The following TEX10 variants were observed in gnomAD, a reference collection of about 807,000 sequenced individuals.
TEX10 encodes testis expressed 10.
Under a neutral mutation model 104.4 loss-of-function variants are expected in TEX10, and 24 were observed. That is an observed-to-expected ratio of 0.23 (90% CI 0.17 to 0.32). The LOEUF is 0.32. Ranked by LOEUF, TEX10 falls within the 10% of genes least tolerant of loss-of-function variation. The pLI is 1.00. For missense variants in TEX10, 921 were observed against 1,083.9 expected (o/e 0.85, Z 2.11); for synonymous variants, 396 against 393.4 (o/e 1.01, Z -0.08).
At position 100,326,296 on chromosome 9, in the gene TEX10, T is replaced by A. The variant is rs745847157; in HGVS notation, c.1979+6A>T. 1.2e-5 allele frequency: 20 copies of A among 1,612,392 alleles called. 1 individual carries two copies. Among genetic ancestry groups the A allele is most frequent in the East Asian group, 1.1e-4 (5 of 44,848 alleles). On this transcript the variant is annotated splice_donor_region_variant and intron_variant, in intron 9 of 14. Transcript: ENST00000374902. The stretch of plus-strand genomic sequence containing the variant: ...ACTTAAAATACAGCTCACTTGAGCA[T>A]GCTACCTCATGTGCAGTATCCCGAT...
chr9:100,302,665 G>A (rs1834021854), intron 14 of TEX10, among the ~76,000 whole-genome samples: 1 of 152,044 alleles, frequency 6.6e-6, no homozygotes, highest in Admixed American at 6.6e-5. Flanking sequence ...ACTCTACAGG[G>A]CCAACCAACA....
At chr9:100,343,761 T>C (rs1835231928) in intron 4 of TEX10, among the ~76,000 whole-genome samples, 1 of 152,182 alleles carries the variant, frequency 6.6e-6, no homozygotes, top group South Asian at 2.1e-4. Context: ...TAGAAAAATC[T>C]ATACAGTTTC....
intron 4 of TEX10, among the ~76,000 whole-genome samples, chr9:100,343,377 G>A (rs558382766): frequency 6.7e-6 from 1 of 148,344 alleles, no homozygotes; most frequent in Non-Finnish European, 1.5e-5. Flanking sequence ...ATAGTGCCAA[G>A]GTAATCAAAT....
In TEX10 at chr9:100,327,866, G is replaced by A. The variant is rs139579901; in HGVS notation, c.1722C>T (p.Ile574=). The A allele has an allele frequency of 3.7e-5, 60 of 1,608,026 alleles. No individual in the cohort carries two copies. Among genetic ancestry groups the A allele is most frequent in the Non-Finnish European group, 4.3e-5 (50 of 1,175,990 alleles). The change falls in exon 8 of 15, where the codon ATC becomes ATT. Residue 574 remains isoleucine, a synonymous_variant. Coordinates refer to ENST00000374902, the MANE Select transcript of TEX10 (RefSeq NM_017746.4). ...SRNPELSTQL[I]DIIHTAAARA... Reference sequence around the variant, plus strand: ...GTGCTGCAGCGGTATGAATGATATCGATAAGCTGTGTAGAGAGCTCAGGAT... The same window carrying A: ...GTGCTGCAGCGGTATGAATGATATCAATAAGCTGTGTAGAGAGCTCAGGAT...
intron 3 of TEX10, among the ~76,000 whole-genome samples, 173 bp from the exon 4 acceptor site, chr9:100,346,488 T>C (rs1835301856): frequency 6.6e-6 from 1 of 152,172 alleles, no homozygotes; most frequent in Non-Finnish European, 1.5e-5. Flanking sequence ...CCAAAAGATA[T>C]TATCAAGTTT....
intron 10 of TEX10, 22 bp from the exon 11 acceptor site, chr9:100,320,420 G>C: frequency 6.4e-7 from 1 of 1,565,236 alleles, no homozygotes; most frequent in African/African-American, 1.4e-5. Context: ...AACAAAGAAA[G>C]CCAATTTAAA....
At chr9:100,329,837 T>C in intron 6 of TEX10, 94 bp downstream of exon 6, 1 of 1,059,558 alleles carries the variant, frequency 9.4e-7, no homozygotes, top group Non-Finnish European at 1.4e-6. Flanking sequence ...CCTGACTACA[T>C]GGAATGTTTA....
chr9:100,321,706 C>G lies in TEX10; in HGVS notation c.2045G>C (p.Ser682Thr). 1 of 1,612,118 alleles carries G rather than the reference C, an allele frequency of 6.2e-7. No homozygotes were observed. Among genetic ancestry groups the G allele is most frequent in the African/African-American group, 1.3e-5 (1 of 74,968 alleles). The change falls in exon 10 of 15, where the codon AGC becomes ACC. Residue 682 changes from serine (S) to threonine (T), a missense_variant. Physicochemically the swap from Ser to Thr is moderately conservative, Grantham distance 58. This residue lies in a region of TEX10 where 753 missense variants were observed against 868.4 expected (regional missense o/e 0.87). Coordinates refer to ENST00000374902, the MANE Select transcript of TEX10 (RefSeq NM_017746.4). ...DWLMSDVDYFSFLFSTLTGFS... is the reference protein window; with the variant it reads ...DWLMSDVDYFTFLFSTLTGFS... ...ACCTGTAAGTGTGGAAAATAAGAAG[C>G]TGAAATAGTCTACATCACTCATCAA...
Position 100,313,398 on chromosome 9 carries a change from C to T in TEX10, c.2203-3019G>A, listed in dbSNP as rs868091078. ...GGCATGGTGGCAAGCGCCTGTAATCCCAGCTACTCGGGAGGCTAAGGCAGG... is the reference window on the plus strand; with the variant it reads ...GGCATGGTGGCAAGCGCCTGTAATCTCAGCTACTCGGGAGGCTAAGGCAGG... On this transcript the variant is annotated intron_variant, in intron 11 of 14. Coordinates refer to ENST00000374902, the MANE Select transcript of TEX10 (RefSeq NM_017746.4). Among the ~76,000 whole-genome samples, 22 of 151,456 alleles carry T rather than the reference C, an allele frequency of 1.5e-4. No individual in the cohort carries two copies. In the Middle Eastern group the frequency reaches 0.01, roughly 71 times the overall value.
chr9:100,352,579 G>A, intron 1 of TEX10, 193 bp downstream of exon 1: 3 of 1,520,396 alleles, frequency 2.0e-6, no homozygotes, highest in Non-Finnish European at 1.8e-6. Context: ...AAACGCCCTA[G>A]GGGGTCCCGC....
Position 100,349,255 on chromosome 9 carries a change from T to C in TEX10, c.109A>G (p.Thr37Ala). ...TTGAGTTGCTCAGGCAGATGTATAGTCTTTGTTTTAAAGTTTGTAGGAGTA... is the reference window on the plus strand; with the variant it reads ...TTGAGTTGCTCAGGCAGATGTATAGCCTTTGTTTTAAAGTTTGTAGGAGTA... ...NATPTNFKTK[T>A]IHLPEQLKED... The change falls in exon 2 of 15, where the codon ACT (threonine) becomes GCT (alanine). Residue 37 changes from threonine to alanine, a missense_variant. Thr to Ala is a moderately conservative substitution (Grantham distance 58, BLOSUM62 0). Coordinates refer to ENST00000374902, the MANE Select transcript of TEX10 (RefSeq NM_017746.4). The C allele has an allele frequency of 1.2e-6, 2 of 1,606,852 alleles. No individual in the cohort carries two copies. The highest frequency in any genetic ancestry group is 1.7e-6 in the Non-Finnish European group (2 of 1,178,056).
At chr9:100,325,200 CA>C (rs144121746) in intron 9 of TEX10, among the ~76,000 whole-genome samples, 2,078 of 152,234 alleles carry the variant, frequency 0.014, 32 homozygotes, top group African/African-American at 0.048. Context: ...GGGATCTATA[CA>C]AGAAAAGTTT....
At chr9:100,322,941 A>C (rs1029669774) in intron 9 of TEX10, among the ~76,000 whole-genome samples, 36 of 152,158 alleles carry the variant, frequency 2.4e-4, no homozygotes, top group African/African-American at 8.4e-4. Context: ...AGGAGGGGAC[A>C]GGCATAAAAT....
intron 5 of TEX10, 23 bp from the exon 6 acceptor site, chr9:100,330,192 C>A: frequency 6.7e-7 from 1 of 1,499,064 alleles, no homozygotes; most frequent in Non-Finnish European, 9.2e-7. Flanking sequence ...ACACACACAT[C>A]TATAAAGCAT....
intron 13 of TEX10, chr9:100,304,157 A>G: frequency 2.6e-6 from 1 of 383,072 alleles, no homozygotes; most frequent in Non-Finnish European, 4.9e-6. Context: ...CAGTATTGTT[A>G]AAATGGCCAC....
rs948746720 is a variant in TEX10 at position 100,320,325 on chromosome 9, G to A, written c.2142C>T (p.Ser714=). The A allele has an allele frequency of 6.2e-7, 1 of 1,613,162 alleles. No individual in the cohort carries two copies. Among genetic ancestry groups the A allele is most frequent in the African/African-American group, 1.3e-5 (1 of 74,900 alleles). ...AATCTGTAAGGTAGAGAAGCACAGG[G>A]GAAAGCTGTGTCTGGATGACATGAG... The part of the protein sequence containing the change: ...GVPHVIQTQL[S]PVLLYLTDLD... The change falls in exon 11 of 15, where the codon TCC becomes TCT. Residue 714 remains serine (S), a synonymous_variant. Transcript: ENST00000374902.
At chr9:100,341,994 C>A (rs1320238239) in intron 4 of TEX10, among the ~76,000 whole-genome samples, 1 of 152,246 alleles carries the variant, frequency 6.6e-6, no homozygotes, top group African/African-American at 2.4e-5. Flanking sequence ...CCAGGGACCA[C>A]AGAGTCCCAC....
intron 3 of TEX10, 118 bp downstream of exon 3, chr9:100,346,576 G>C: frequency 8.8e-7 from 1 of 1,139,360 alleles, no homozygotes; most frequent in Non-Finnish European, 1.3e-6. Context: ...CAAATCATGA[G>C]TAACTATATG....
intron 12 of TEX10, among the ~76,000 whole-genome samples, chr9:100,309,988 G>A (rs1217024665): frequency 1.3e-5 from 2 of 152,176 alleles, no homozygotes; most frequent in South Asian, 2.1e-4. Context: ...TCAATACAAT[G>A]AGGCCAAGCA....
Sources: allele counts gnomAD v4.1 joint callset (sites outside exome capture counted in the v4.1 genomes callset), GRCh38; gene constraint gnomAD v4.1.1; regional missense constraint gnomAD v4.1.1; transcripts MANE v1.5; gene names NCBI Gene and HGNC (gene_info 2026-07-23, HGNC 2026-07-21).